Variants in EFNA5 observed in about 807,000 individuals in gnomAD.
EFNA5 encodes ephrin A5, also known as ephrin-A5.
A neutral mutation model predicts 22.9 loss-of-function variants in EFNA5; 5 were observed. The ratio of observed to expected loss-of-function variants is 0.22; its 90% CI spans 0.11 to 0.46. EFNA5 has a LOEUF of 0.46. Ranked by LOEUF, EFNA5 falls within the 20% of genes least tolerant of loss-of-function variation. The pLI is 0.99. For missense variants in EFNA5, 237 were observed against 293.3 expected (o/e 0.81, Z 1.40); for synonymous variants, 113 against 112.2 (o/e 1.01, Z -0.04).
chr5:107,418,097 T>A (rs1284275792), intron 2 of EFNA5, among the ~76,000 whole-genome samples: 1 of 152,234 alleles, frequency 6.6e-6, no homozygotes, highest in African/African-American at 2.4e-5. Context: ...GGTGTGTGCA[T>A]GCTTGTGTAA....
intron 1 of EFNA5, among the ~76,000 whole-genome samples, chr5:107,559,961 T>C (rs895208165): frequency 6.6e-6 from 1 of 152,184 alleles, no homozygotes; most frequent in Non-Finnish European, 1.5e-5. Context: ...TGTTCTGAAA[T>C]TGACTAAAGG....
intron 1 of EFNA5, among the ~76,000 whole-genome samples, chr5:107,662,173 A>G (rs1322408667): frequency 6.6e-6 from 1 of 152,198 alleles, no homozygotes. Context: ...ATCAGAGGAA[A>G]GTTTTCTGCG....
intron 1 of EFNA5, among the ~76,000 whole-genome samples, chr5:107,540,977 TG>T (rs1748035683): frequency 6.6e-6 from 1 of 151,836 alleles, no homozygotes; most frequent in South Asian, 2.1e-4. Flanking sequence ...CATGGTGGCG[TG>T]GGCCTGTAAT....
intron 1 of EFNA5, among the ~76,000 whole-genome samples, chr5:107,515,671 C>A (rs1333879988): frequency 1.3e-5 from 2 of 152,162 alleles, no homozygotes; most frequent in African/African-American, 4.8e-5. Flanking sequence ...AGCCACTGCA[C>A]CCAGCAGACA....
chr5:107,414,803 A>G (rs1011399287), intron 2 of EFNA5, among the ~76,000 whole-genome samples: 8 of 152,192 alleles, frequency 5.3e-5, no homozygotes, highest in African/African-American at 1.9e-4. Flanking sequence ...TGATTTAGCA[A>G]TTCCACTTAA....
chr5:107,516,211 T>TGTGTGTGTGTGTGTGTG, intron 1 of EFNA5, among the ~76,000 whole-genome samples: 1 of 150,802 alleles, frequency 6.6e-6, no homozygotes, highest in African/African-American at 2.4e-5. Context: ...TGTGTGTGTG[T>TGTGTGTGTGTGTGTGTG]TAATTTTTGG....
At chr5:107,613,092 C>T (rs186886326) in intron 1 of EFNA5, among the ~76,000 whole-genome samples, 18 of 151,300 alleles carry the variant, frequency 1.2e-4, no homozygotes, top group East Asian at 9.7e-4. Context: ...AATTTTCTTT[C>T]GCAATAAAAA....
chr5:107,536,256 T>G lies in EFNA5; in HGVS notation c.126-108747A>C, dbSNP rs116392645. Among the ~76,000 whole-genome samples the G allele has an allele frequency of 3.2e-3, 486 of 152,328 alleles. 6 individuals carry two copies. Among genetic ancestry groups the G allele is most frequent in the African/African-American group, 0.011 (442 of 41,576 alleles). ...CATGGAAATCTTCAAATAATCTGCT[T>G]GTTTCATACCATTCACCTGTAGCAA... On this transcript the variant is annotated intron_variant, in intron 1 of 4. Transcript: ENST00000333274.
At chr5:107,624,083 G>C (rs1309349655) in intron 1 of EFNA5, among the ~76,000 whole-genome samples, 1 of 151,998 alleles carries the variant, frequency 6.6e-6, no homozygotes, top group African/African-American at 2.4e-5. Flanking sequence ...AGTATATCTG[G>C]ATTTTACAAT....
chr5:107,608,084 G>A (rs569790766), intron 1 of EFNA5, among the ~76,000 whole-genome samples: 2 of 152,318 alleles, frequency 1.3e-5, no homozygotes, highest in Non-Finnish European at 2.9e-5. Context: ...ATTCTCTGAA[G>A]AGGGCTGGCA....
chr5:107,432,837 C>G (rs1225657970), intron 1 of EFNA5, among the ~76,000 whole-genome samples: 1 of 152,156 alleles, frequency 6.6e-6, no homozygotes, highest in African/African-American at 2.4e-5. Context: ...CGTGGACTTG[C>G]TTCTACCTGT....
intron 1 of EFNA5, among the ~76,000 whole-genome samples, chr5:107,493,864 C>G (rs1487097329): frequency 6.6e-6 from 1 of 152,096 alleles, no homozygotes; most frequent in African/African-American, 2.4e-5. Context: ...CAATTATTAC[C>G]CACATGTCAC....
intron 1 of EFNA5, among the ~76,000 whole-genome samples, chr5:107,613,440 C>T (rs963255310): frequency 6.6e-6 from 1 of 151,970 alleles, no homozygotes; most frequent in Non-Finnish European, 1.5e-5. Context: ...TGGATGAAAA[C>T]ACCAAAACCC....
intron 1 of EFNA5, among the ~76,000 whole-genome samples, chr5:107,586,093 G>T (rs1208731024): frequency 2.0e-5 from 3 of 152,046 alleles, no homozygotes; most frequent in Non-Finnish European, 4.4e-5. Flanking sequence ...GAAAAATATT[G>T]TTTATCGTGT....
chr5:107,643,765 T>A (rs760920632), intron 1 of EFNA5, among the ~76,000 whole-genome samples: 92 of 151,816 alleles, frequency 6.1e-4, no homozygotes, highest in Admixed American at 9.8e-4. Context: ...AGAGCCCCCA[T>A]CAAAAAAGAG....
chr5:107,418,311 C>T (rs1748559940), intron 2 of EFNA5, among the ~76,000 whole-genome samples: 1 of 152,210 alleles, frequency 6.6e-6, no homozygotes. Context: ...GATACAGCAG[C>T]TCATTAAACT....
intron 1 of EFNA5, among the ~76,000 whole-genome samples, chr5:107,617,239 G>C (rs256536): frequency 0.47 from 56,750 of 120,496 alleles, 10,830 homozygotes; most frequent in African/African-American, 0.56. Context: ...CACACACACA[G>C]AGAGAGAGAG....
At chr5:107,519,674 A>C (rs565889556) in intron 1 of EFNA5, among the ~76,000 whole-genome samples, 19 of 152,262 alleles carry the variant, frequency 1.2e-4, no homozygotes, top group African/African-American at 4.1e-4. Context: ...GAAAGCACAC[A>C]CTGCAGAAAA....
intron 1 of EFNA5, among the ~76,000 whole-genome samples, chr5:107,599,107 C>A (rs151035509): frequency 6.6e-6 from 1 of 152,076 alleles, no homozygotes; most frequent in African/African-American, 2.4e-5. Flanking sequence ...GAAATGGGCA[C>A]GGGAACCAGA....
Sources: allele counts gnomAD v4.1 joint callset (sites outside exome capture counted in the v4.1 genomes callset), GRCh38; gene constraint gnomAD v4.1.1; transcripts MANE v1.5; gene names NCBI Gene and HGNC (gene_info 2026-07-23, HGNC 2026-07-21).